The following ADD3 variants were observed in gnomAD, a reference collection of about 807,000 sequenced individuals.
ADD3 encodes the protein gamma-adducin.
In ADD3, 25 loss-of-function variants were observed where a neutral mutation model predicts 80.2. The ratio of observed to expected loss-of-function variants is 0.31; its 90% confidence interval spans 0.23 to 0.44. The LOEUF is 0.44. Among genes scored for constraint, ADD3 ranks in the 20% least tolerant of loss-of-function variants. ADD3 has a pLI of 1.00. For synonymous variants in ADD3, 284 were observed against 289.6 expected, an observed-to-expected ratio of 0.98 and a Z score of 0.20; for missense variants, 829 against 847.5, an observed-to-expected ratio of 0.98 and a Z score of 0.27.
intron 1 of ADD3, among the ~76,000 whole-genome samples, chr10:110,068,873 T>C (rs1844319602): frequency 6.6e-6 from 1 of 152,020 alleles, no homozygotes; most frequent in African/African-American, 2.4e-5. Flanking sequence ...GCGCAGGAGT[T>C]TGAGATCAGC....
chr10:110,098,555 T>A (rs1313812726), intron 1 of ADD3, among the ~76,000 whole-genome samples: 3 of 152,218 alleles, frequency 2.0e-5, no homozygotes, highest in Non-Finnish European at 4.4e-5. Flanking sequence ...AGTTGTAACA[T>A]TTTATCTGTG....
At position 110,117,384 on chromosome 10, in the gene ADD3, A is replaced by G. The variant is rs1188242100; in HGVS notation, c.529A>G (p.Arg177Gly). ...KEQDHIIIIP[R>G]GLSFSEATAS... ...GCAAGACCACATTATAATAATTCCC[A>G]GAGGCCTATCTTTTTCTGAAGCTAC... The change falls in exon 5 of 15, where the codon AGA becomes GGA. Residue 177 changes from arginine (R) to glycine (G), a missense_variant. Transcript: ENST00000356080. 3 of 1,608,308 alleles carry G rather than the reference A, an allele frequency of 1.9e-6. No individual in the cohort carries two copies. Among genetic ancestry groups the G allele is most frequent in the Admixed American group, 1.7e-5 (1 of 60,002 alleles).
At chr10:110,099,190 A>G (rs576179549) in intron 1 of ADD3, among the ~76,000 whole-genome samples, 11 of 151,238 alleles carry the variant, frequency 7.3e-5, no homozygotes, top group South Asian at 2.1e-4. Flanking sequence ...CAATCTCCCA[A>G]CATGCTGGGA....
intron 1 of ADD3, among the ~76,000 whole-genome samples, chr10:110,067,465 T>C (rs1366675647): frequency 6.6e-6 from 1 of 152,242 alleles, no homozygotes; most frequent in East Asian, 1.9e-4. Flanking sequence ...ATTTATTATA[T>C]TGGACCAGCA....
chr10:110,108,369 G>A (rs574757250), intron 2 of ADD3, among the ~76,000 whole-genome samples: 1 of 152,264 alleles, frequency 6.6e-6, no homozygotes, highest in African/African-American at 2.4e-5. Flanking sequence ...ATCCAAGTCT[G>A]AATAAAATTA....
intron 1 of ADD3, 109 bp downstream of exon 1, chr10:110,008,408 G>A (rs1338624550): frequency 6.5e-6 from 1 of 152,700 alleles, no homozygotes; most frequent in Non-Finnish European, 1.5e-5. Context: ...GTCGCGCGGG[G>A]GTAGGGAGCG....
rs116966969 is a variant in ADD3 at position 110,105,536 on chromosome 10, A to C, written c.195+4688A>C. On this transcript the variant is annotated intron_variant, in intron 2 of 14. Coordinates refer to ENST00000356080, the MANE Select transcript of ADD3 (RefSeq NM_016824.5). ...AGGCTCCTACTGAACTTGACTGCTT[A>C]ACAAAACAGTTGCTGGGCTTCCTAA... Among the ~76,000 whole-genome samples, 3 of 152,352 alleles carry C rather than the reference A, an allele frequency of 2.0e-5. No individual in the cohort carries two copies. In the East Asian group the frequency reaches 5.8e-4, roughly 29 times the overall value.
intron 2 of ADD3, among the ~76,000 whole-genome samples, chr10:110,102,689 A>G (rs573827810): frequency 1.1e-4 from 17 of 152,364 alleles, no homozygotes; most frequent in South Asian, 6.2e-4. Flanking sequence ...TGAAGTTTCA[A>G]TTTTGGTTAA....
At chr10:110,129,191 C>T (rs1852608817) in intron 12 of ADD3, among the ~76,000 whole-genome samples, 1 of 149,730 alleles carries the variant, frequency 6.7e-6, no homozygotes, top group Non-Finnish European at 1.5e-5. Flanking sequence ...TTCTTGTTGC[C>T]CAGGCTGGAG....
At chr10:110,097,625 C>G (rs1564972077) in intron 1 of ADD3, among the ~76,000 whole-genome samples, 1 of 152,122 alleles carries the variant, frequency 6.6e-6, no homozygotes, top group Non-Finnish European at 1.5e-5. Context: ...TTTACAGATT[C>G]TATTTAAATT....
chr10:110,000,076 T>C (rs1851456165), intron 1 of ADD3, among the ~76,000 whole-genome samples: 1 of 152,152 alleles, frequency 6.6e-6, no homozygotes. Flanking sequence ...TGCACCATCA[T>C]GCGCAGCTAA....
At chr10:110,050,658 G>C (rs774061314) in intron 1 of ADD3, among the ~76,000 whole-genome samples, 1 of 151,920 alleles carries the variant, frequency 6.6e-6, no homozygotes, top group African/African-American at 2.4e-5. Flanking sequence ...GATTACAGGT[G>C]TGCACGACCA....
chr10:110,087,386 T>A (rs891731266), intron 1 of ADD3, among the ~76,000 whole-genome samples: 5 of 152,224 alleles, frequency 3.3e-5, no homozygotes, highest in African/African-American at 1.2e-4. Flanking sequence ...TATTCCGTAG[T>A]ATTTTATGAT....
chr10:110,117,315 G>C (rs769430730), intron 4 of ADD3, 27 bp from the exon 5 acceptor site: 6 of 1,263,430 alleles, frequency 4.7e-6, no homozygotes, highest in Non-Finnish European at 6.9e-6. Context: ...CCACTTCATA[G>C]TAATTCCCTG....
rs898044417 is a variant in ADD3, at chr10:110,132,288, A to G, written c.1733-17A>G. On this transcript the variant is annotated splice_polypyrimidine_tract_variant and intron_variant, in intron 13 of 14. Transcript: ENST00000356080. ...GTTTTGTTTTGCATGGCTTTTAACT[A>G]AACTCTTATCCAACAGATGCTGAGC... is the stretch of plus-strand genomic sequence containing the variant. The G allele has an allele frequency of 3.1e-6, 5 of 1,594,764 alleles. 1 individual carries two copies. In the South Asian group the frequency reaches 5.5e-5, roughly 18 times the overall value.
At chr10:110,123,580 A>G (rs1851781514) in intron 9 of ADD3, among the ~76,000 whole-genome samples, 1 of 152,002 alleles carries the variant, frequency 6.6e-6, no homozygotes, top group Non-Finnish European at 1.5e-5. Flanking sequence ...TATATTTTGG[A>G]TAGTAACCCC....
chr10:110,010,711 C>T (rs1852239579), intron 1 of ADD3, among the ~76,000 whole-genome samples: 1 of 152,200 alleles, frequency 6.6e-6, no homozygotes, highest in African/African-American at 2.4e-5. Context: ...AGTGGCTAAA[C>T]AGAGGCATGG....
intron 1 of ADD3, among the ~76,000 whole-genome samples, chr10:110,098,291 T>C (rs183342840): frequency 3.0e-4 from 45 of 152,296 alleles, no homozygotes; most frequent in African/African-American, 1.0e-3. Context: ...AGGGACTGGA[T>C]AGAAATGTAA....
At chr10:110,103,653 A>G (rs1399273581) in intron 2 of ADD3, among the ~76,000 whole-genome samples, 1 of 152,160 alleles carries the variant, frequency 6.6e-6, no homozygotes, top group Non-Finnish European at 1.5e-5. Context: ...TCCAGGGGAG[A>G]GAAATTAAGC....
Sources: gnomAD v4.1 joint callset for allele counts (sites outside exome capture counted in the v4.1 genomes callset) on GRCh38, gnomAD v4.1.1 for gene constraint, MANE v1.5 for transcripts, NCBI Gene and HGNC (gene_info 2026-07-23, HGNC 2026-07-21) for gene names.